NCOA3: variants seen among roughly 807,000 people sequenced by gnomAD.
The protein encoded by NCOA3 is CBP-interacting protein.
Under a neutral mutation model 158.8 loss-of-function variants are expected in NCOA3, and 51 were observed. That is an observed-to-expected ratio of 0.32 (90% confidence interval 0.26 to 0.41). The LOEUF (loss-of-function observed/expected upper bound fraction) is 0.41. Among genes scored for constraint, NCOA3 ranks in the 10% least tolerant of loss-of-function variants. NCOA3 has a pLI of 1.00. For synonymous variants in NCOA3, 537 were observed against 592.4 expected, an observed-to-expected ratio of 0.91 and a Z score of 1.36; for missense variants, 1,510 against 1,746.6, an observed-to-expected ratio of 0.86 and a Z score of 2.41.
At chr20:47,579,673 T>C (rs985445316) in intron 1 of NCOA3, among the ~76,000 whole-genome samples, 2 of 152,240 alleles carry the variant, frequency 1.3e-5, no homozygotes, top group Non-Finnish European at 2.9e-5. Context: ...TCTGGTTTAA[T>C]TATACACTTC....
intron 1 of NCOA3, among the ~76,000 whole-genome samples, chr20:47,555,345 G>T (rs2084986660): frequency 1.3e-5 from 2 of 152,198 alleles, no homozygotes; most frequent in Non-Finnish European, 2.9e-5. Flanking sequence ...GAATATTGGA[G>T]TGGGAGGCCA....
intron 1 of NCOA3, among the ~76,000 whole-genome samples, chr20:47,521,683 A>C (rs2084336737): frequency 1.3e-5 from 2 of 152,182 alleles, no homozygotes; most frequent in Admixed American, 6.5e-5. Flanking sequence ...TAATCAAAAA[A>C]GGTTGCTCTA....
intron 2 of NCOA3, among the ~76,000 whole-genome samples, chr20:47,601,828 TG>T (rs1455346711): frequency 6.6e-6 from 1 of 152,234 alleles, no homozygotes; most frequent in Non-Finnish European, 1.5e-5. Context: ...TTGCGTTTTC[TG>T]GGTCTCTGCT....
chr20:47,522,423 T>TTG (rs1297706572), intron 1 of NCOA3, among the ~76,000 whole-genome samples: 1 of 143,106 alleles, frequency 7.0e-6, no homozygotes, highest in Non-Finnish European at 1.5e-5. Context: ...TTTTTTTTTT[T>TTG]TGTGGTTTTA....
rs66801245 is a variant in NCOA3, at chr20:47,634,920, C to CTT, written c.1113-382_1113-381dup. 3.7e-4 allele frequency among the ~76,000 whole-genome samples: 44 copies of CTT among 120,106 alleles called. No homozygotes were observed. The East Asian group carries it at 7.2e-3, about 20-fold the overall frequency. 78.8% of individuals were successfully genotyped at this position (120,106 alleles called of 152,430 possible). On this transcript the variant is annotated intron_variant, in intron 10 of 22. Transcript: ENST00000371998. The stretch of plus-strand genomic sequence containing the variant: ...CTTCCTTTCTTCTTCTTCTCTTCTT[C>CTT]TTTTTTTTTTTTTTTTTTTTTAAAC...
chr20:47,635,071 G>A lies in NCOA3; in HGVS notation c.1113-251G>A, dbSNP rs531956316. 1.6e-4 allele frequency among the ~76,000 whole-genome samples: 24 copies of A among 151,960 alleles called. 2 individuals are homozygous for A. Among genetic ancestry groups the A allele is most frequent in the South Asian group, 1.0e-3 (5 of 4,796 alleles). ...AGCCTCCTGAATAGCTAGGACTAGA[G>A]ATGTGTGTCACTATGCCTGGCCAAT... is the stretch of plus-strand genomic sequence containing the variant. On this transcript the variant is annotated intron_variant, in intron 10 of 22. Transcript: ENST00000371998.
intron 2 of NCOA3, among the ~76,000 whole-genome samples, chr20:47,590,898 T>C (rs2085623215): frequency 1.3e-5 from 2 of 151,944 alleles, no homozygotes; most frequent in African/African-American, 4.8e-5. Context: ...TCACCTGAGG[T>C]CAGGAGTTCA....
At chr20:47,544,261 G>A (rs2084791140) in intron 1 of NCOA3, among the ~76,000 whole-genome samples, 1 of 144,174 alleles carries the variant, frequency 6.9e-6, no homozygotes, top group Admixed American at 6.9e-5. Context: ...TTTCAGTTAG[G>A]TGTAGGATGG....
intron 1 of NCOA3, among the ~76,000 whole-genome samples, chr20:47,557,656 C>T (rs2146172280): frequency 1.3e-5 from 2 of 152,144 alleles, no homozygotes; most frequent in Non-Finnish European, 2.9e-5. Flanking sequence ...GTTAATAGTC[C>T]TTCAAATCAG....
At chr20:47,566,169 TGCCTCG>T (rs1447280195) in intron 1 of NCOA3, among the ~76,000 whole-genome samples, 4 of 152,030 alleles carry the variant, frequency 2.6e-5, no homozygotes, top group African/African-American at 9.7e-5. Flanking sequence ...GTGATCCACC[TGCCTCG>T]GCCTCCCAAA....
intron 2 of NCOA3, among the ~76,000 whole-genome samples, chr20:47,586,230 T>C (rs917665426): frequency 6.6e-6 from 1 of 152,166 alleles, no homozygotes; most frequent in Non-Finnish European, 1.5e-5. Flanking sequence ...ATTTTTTCTT[T>C]TTTAAATACC....
At chr20:47,520,935 A>G (rs1448725281) in intron 1 of NCOA3, among the ~76,000 whole-genome samples, 1 of 152,096 alleles carries the variant, frequency 6.6e-6, no homozygotes, top group Non-Finnish European at 1.5e-5. Context: ...TCTGTCCAGC[A>G]GTAGGACTTG....
At chr20:47,524,756 T>A (rs1213509596) in intron 1 of NCOA3, among the ~76,000 whole-genome samples, 5 of 152,046 alleles carry the variant, frequency 3.3e-5, no homozygotes, top group South Asian at 2.1e-4. Context: ...ATATATATAT[T>A]TTTTGAGATG....
chr20:47,600,205 T>A (rs1044554601), intron 2 of NCOA3, among the ~76,000 whole-genome samples: 3 of 151,048 alleles, frequency 2.0e-5, no homozygotes, highest in African/African-American at 7.3e-5. Flanking sequence ...GATGGAGTCT[T>A]GCTGTGTTGC....
At position 47,649,092 on chromosome 20, in the gene NCOA3, C is replaced by CCCCAGGTGAGCT. The variant is rs770158269; in HGVS notation, c.3645_3651+5dup. On this transcript the variant is annotated inframe_insertion, in exon 19 of 23. Coordinates refer to ENST00000371998, the MANE Select transcript of NCOA3 (RefSeq NM_181659.3). ...TGCGGTGATGAGGCCTATGATGCAG[C>CCCCAGGTGAGCT]CCCAGGTGAGCTCCCAGGTGAGGAT... is the stretch of plus-strand genomic sequence containing the variant. The CCCCAGGTGAGCT allele has an allele frequency of 6.2e-7, 1 of 1,612,984 alleles. No homozygotes were observed. The highest frequency in any genetic ancestry group is 8.5e-7 in the Non-Finnish European group (1 of 1,179,244).
chr20:47,518,557 C>T (rs1471765044), intron 1 of NCOA3, among the ~76,000 whole-genome samples: 5 of 151,442 alleles, frequency 3.3e-5, no homozygotes, highest in African/African-American at 1.2e-4. Flanking sequence ...TCCCGAGTAG[C>T]TGGGATTACA....
intron 2 of NCOA3, among the ~76,000 whole-genome samples, chr20:47,603,395 C>T (rs549763539): frequency 3.9e-5 from 6 of 152,318 alleles, no homozygotes; most frequent in African/African-American, 7.2e-5. Context: ...GGATCTGGGG[C>T]GAGTGCCCCT....
intron 2 of NCOA3, among the ~76,000 whole-genome samples, chr20:47,598,246 C>CAAA (rs71183268): frequency 0.06 from 5,021 of 84,252 alleles, 207 homozygotes; most frequent in Non-Finnish European, 0.088. Context: ...GACTCTGTCT[C>CAAA]AAAAAAAAAA....
chr20:47,529,484 C>T (rs1412282902), intron 1 of NCOA3, among the ~76,000 whole-genome samples: 1 of 152,168 alleles, frequency 6.6e-6, no homozygotes, highest in Non-Finnish European at 1.5e-5. Flanking sequence ...GTGATCTTGG[C>T]TCACTGCAGC....
Sources: gnomAD v4.1 joint callset for allele counts (sites outside exome capture counted in the v4.1 genomes callset) on GRCh38, gnomAD v4.1.1 for gene constraint, MANE v1.5 for transcripts, NCBI Gene and HGNC (gene_info 2026-07-23, HGNC 2026-07-21) for gene names.